DNAJC11: variants seen among roughly 807,000 people sequenced by gnomAD.
DNAJC11 encodes DnaJ heat shock protein family (Hsp40) member C11.
DNAJC11 carries 15 observed loss-of-function variants against 78.6 expected under a neutral mutation model. The observed-to-expected ratio is 0.19, with a 90% confidence interval of 0.13 to 0.29. The LOEUF is 0.29. Among genes scored for constraint, DNAJC11 ranks in the 10% least tolerant of loss-of-function variants. DNAJC11 has a pLI of 1.00. For missense variants in DNAJC11, 547 were observed against 709.6 expected, an observed-to-expected ratio of 0.77 and a Z score of 2.60; for synonymous variants, 292 against 272.1, an observed-to-expected ratio of 1.07 and a Z score of -0.72.
At chr1:6,648,103 G>A (rs1035443293) in intron 7 of DNAJC11, among the ~76,000 whole-genome samples, 9 of 152,200 alleles carry the variant, frequency 5.9e-5, no homozygotes, top group Admixed American at 3.3e-4. Context: ...AATCACCTGG[G>A]GCGCTTGAAA....
chr1:6,661,406 T>A (rs1490685792), intron 4 of DNAJC11, among the ~76,000 whole-genome samples: 1 of 152,216 alleles, frequency 6.6e-6, no homozygotes, highest in African/African-American at 2.4e-5. Flanking sequence ...ACCTTGTTTG[T>A]GAGCGATTAT....
chr1:6,682,129 A>G (rs1377280692), intron 1 of DNAJC11, among the ~76,000 whole-genome samples: 1 of 147,488 alleles, frequency 6.8e-6, no homozygotes, highest in Non-Finnish European at 1.5e-5. Context: ...GAAAGAGGTC[A>G]CAGAGACATA....
At chr1:6,661,715 T>C (rs1642215079) in intron 4 of DNAJC11, among the ~76,000 whole-genome samples, 1 of 152,132 alleles carries the variant, frequency 6.6e-6, no homozygotes, top group African/African-American at 2.4e-5. Context: ...TAAACAACCC[T>C]TCTTCTGCCC....
In DNAJC11 at chr1:6,640,024, A is replaced by G. The variant is rs1487832124; in HGVS notation, c.1131T>C (p.Pro377=). 2 of 1,509,858 alleles carry G rather than the reference A, an allele frequency of 1.3e-6. No individual in the cohort carries two copies. Among genetic ancestry groups the G allele is most frequent in the African/African-American group, 1.4e-5 (1 of 69,416 alleles). 93.5% of individuals were successfully genotyped at this position (1,509,858 alleles called of 1,614,324 possible). The change falls in exon 11 of 16, where the codon CCT becomes CCC. Residue 377 remains proline (P), a synonymous_variant. Transcript: ENST00000377577. Reference sequence around the variant, plus strand: ...GCAGAAGCTGGTCCGTCAAGTGAATAGGGAAGAAGTATGTCTGACTGGCCC... The same window carrying G: ...GCAGAAGCTGGTCCGTCAAGTGAATGGGGAAGAAGTATGTCTGACTGGCCC... The part of the protein sequence containing the change: ...LNRASQTYFF[P]IHLTDQLLPS...
At position 6,653,986 on chromosome 1, in the gene DNAJC11, C is replaced by T. The variant is rs776001743; in HGVS notation, c.432G>A (p.Glu144=). 4 of 1,613,534 alleles carry T rather than the reference C, an allele frequency of 2.5e-6. No homozygotes were observed. Among genetic ancestry groups the T allele is most frequent in the African/African-American group, 1.3e-5 (1 of 74,880 alleles). The part of the protein sequence containing the change: ...DATDLFDRYD[E]EYEDVSGSSF... ...TACTGCCGGACACATCTTCATACTC[C>T]TCATCATAGCGATCAAAAAGGTCGG... The change falls in exon 5 of 16, where the codon GAG becomes GAA. Residue 144 remains glutamate, a synonymous_variant. Transcript: ENST00000377577. This position sits in a 1 kb window ranked among gnomAD's most constrained non-coding sequence, Gnocchi z 4.5.
Position 6,691,531 on chromosome 1 carries a change from C to T in DNAJC11, c.72+10198G>A, listed in dbSNP as rs554694589. ...AGATCCTATCTTCACAGTAAGAAAT[C>T]GGCTTATTTCTCCCTAAAAGCCTGA... is the stretch of plus-strand genomic sequence containing the variant. On this transcript the variant is annotated intron_variant, in intron 1 of 15. Transcript: ENST00000377577. Among the ~76,000 whole-genome samples the T allele has an allele frequency of 2.0e-4, 30 of 152,304 alleles. No homozygotes were observed. The South Asian group carries it at 5.8e-3, about 29-fold the overall frequency.
intron 4 of DNAJC11, among the ~76,000 whole-genome samples, chr1:6,664,798 A>G (rs1422194954): frequency 6.6e-6 from 1 of 152,144 alleles, no homozygotes; most frequent in African/African-American, 2.4e-5. Context: ...AAAAGGGAGC[A>G]CTGTCAAACG....
intron 7 of DNAJC11, among the ~76,000 whole-genome samples, chr1:6,647,018 G>GT (rs1344034997): frequency 6.6e-6 from 1 of 150,564 alleles, no homozygotes; most frequent in Non-Finnish European, 1.5e-5. Flanking sequence ...TTAGCCAGGT[G>GT]TAGCGGCACG....
intron 6 of DNAJC11, among the ~76,000 whole-genome samples, chr1:6,652,563 C>G (rs1642072103): frequency 6.6e-6 from 1 of 152,170 alleles, no homozygotes; most frequent in Admixed American, 6.5e-5. Context: ...CCTCAGCCTC[C>G]CAAGTAGCTG....
chr1:6,640,600 G>A (rs1196515597), intron 10 of DNAJC11, among the ~76,000 whole-genome samples: 1 of 152,194 alleles, frequency 6.6e-6, no homozygotes, highest in African/African-American at 2.4e-5. Context: ...GGGAGGCTGA[G>A]GTGGGCGAAT....
At chr1:6,647,015 G>C in intron 7 of DNAJC11, among the ~76,000 whole-genome samples, 1 of 151,106 alleles carries the variant, frequency 6.6e-6, no homozygotes, top group African/African-American at 2.4e-5. Flanking sequence ...AAATTAGCCA[G>C]GTGTAGCGGC....
intron 1 of DNAJC11, among the ~76,000 whole-genome samples, chr1:6,697,438 C>T (rs929951877): frequency 9.2e-5 from 14 of 151,994 alleles, no homozygotes; most frequent in African/African-American, 3.4e-4. Flanking sequence ...TAGTCAAATT[C>T]TCATAAAGAG....
At chr1:6,644,793 G>C in intron 9 of DNAJC11, 119 bp from the exon 10 acceptor site, 1 of 901,118 alleles carries the variant, frequency 1.1e-6, no homozygotes, top group South Asian at 1.5e-5. Flanking sequence ...TCGACCCCCA[G>C]GGAGCAGATT....
intron 3 of DNAJC11, among the ~76,000 whole-genome samples, chr1:6,671,893 G>A (rs1285264838): frequency 6.6e-6 from 1 of 151,750 alleles, no homozygotes; most frequent in Non-Finnish European, 1.5e-5. Flanking sequence ...GGAGTGCAGC[G>A]ATGCGATCTC....
chr1:6,643,339 C>A (rs960883258), intron 10 of DNAJC11, among the ~76,000 whole-genome samples: 3 of 150,690 alleles, frequency 2.0e-5, no homozygotes, highest in Non-Finnish European at 1.5e-5. Context: ...GCAGTGGCGC[C>A]ATCTCGACTC....
In DNAJC11 at chr1:6,680,730, T is replaced by C. The variant is rs1051667842; in HGVS notation, c.202+178A>G. ...CATTTTCTACTTACTGGACACGTAT[T>C]GATTTCCAAAGCAAAATACTATTCT... On this transcript the variant is annotated intron_variant, in intron 2 of 15. Coordinates refer to ENST00000377577, the MANE Select transcript of DNAJC11 (RefSeq NM_018198.4). The surrounding 1 kb of genome is among the most constrained non-coding windows in gnomAD (Gnocchi z 4.0). Among the ~76,000 whole-genome samples, 1 of 152,228 alleles carries C rather than the reference T, an allele frequency of 6.6e-6. No homozygotes were observed. The highest frequency in any genetic ancestry group is 1.5e-5 in the Non-Finnish European group (1 of 68,046).
chr1:6,690,571 C>T (rs1570313839), intron 1 of DNAJC11, among the ~76,000 whole-genome samples: 3 of 152,204 alleles, frequency 2.0e-5, no homozygotes, highest in Admixed American at 1.3e-4. Flanking sequence ...CCAATGAATG[C>T]TCCTTGATGC....
rs1414140246 is a variant in DNAJC11 at position 6,634,860 on chromosome 1, G to C, written c.*815C>G. The C allele has an allele frequency of 1.4e-5, 17 of 1,223,932 alleles. No homozygotes were observed. Among genetic ancestry groups the C allele is most frequent in the Non-Finnish European group, 1.7e-5 (16 of 949,494 alleles). 75.8% of individuals were successfully genotyped at this position (1,223,932 alleles called of 1,614,324 possible). On this transcript the variant is annotated 3_prime_UTR_variant, in exon 16 of 16. Transcript: ENST00000377577. ...TGTCTGATGTCTTGCCAAGCGCCTGGTCCTGTCCTCTTGAGCTGCCCTTGC... is the reference window on the plus strand; with the variant it reads ...TGTCTGATGTCTTGCCAAGCGCCTGCTCCTGTCCTCTTGAGCTGCCCTTGC...
intron 4 of DNAJC11, among the ~76,000 whole-genome samples, chr1:6,664,767 C>T (rs1164528073): frequency 6.6e-6 from 1 of 152,188 alleles, no homozygotes; most frequent in South Asian, 2.1e-4. Flanking sequence ...TCAGGACAGA[C>T]GTCCTCATTT....
Sources: allele counts gnomAD v4.1 joint callset (sites outside exome capture counted in the v4.1 genomes callset), GRCh38; gene constraint gnomAD v4.1.1; non-coding constraint Gnocchi (gnomAD v3.1); transcripts MANE v1.5; gene names NCBI Gene and HGNC (gene_info 2026-07-23, HGNC 2026-07-21).